RIT2: variants seen among roughly 807,000 people sequenced by gnomAD.
The protein encoded by RIT2 is GTP-binding protein Rit2.
In RIT2, 24 loss-of-function variants were observed where a neutral mutation model predicts 23.7. That is an observed-to-expected ratio of 1.01 (90% CI 0.73 to 1.43). The LOEUF (loss-of-function observed/expected upper bound fraction) is 1.43. Among genes scored for constraint, RIT2 ranks in the 40% most tolerant of loss-of-function variants. RIT2 has a pLI of 0.00. For synonymous variants in RIT2, 107 were observed against 91.1 expected, an observed-to-expected ratio of 1.17 and a Z score of -0.99; for missense variants, 236 against 266.9, an observed-to-expected ratio of 0.88 and a Z score of 0.81.
chr18:42,889,039 C>A (rs1598701294), intron 4 of RIT2, among the ~76,000 whole-genome samples: 1 of 151,702 alleles, frequency 6.6e-6, no homozygotes, highest in African/African-American at 2.4e-5. Context: ...GCACATGTGC[C>A]CCCCTGTTTC....
chr18:42,934,789 T>G (rs1026890059), intron 3 of RIT2, among the ~76,000 whole-genome samples: 8 of 152,214 alleles, frequency 5.3e-5, no homozygotes, highest in Non-Finnish European at 7.4e-5. Context: ...AAACCCTTTC[T>G]ATTGCAGCAA....
intron 2 of RIT2, among the ~76,000 whole-genome samples, chr18:43,005,558 C>A (rs1390980210): frequency 6.6e-6 from 1 of 151,532 alleles, no homozygotes. Flanking sequence ...ACAGCATTGC[C>A]CAAATTTTTG....
intron 1 of RIT2, among the ~76,000 whole-genome samples, chr18:43,085,029 T>C (rs1342765767): frequency 6.6e-6 from 1 of 150,484 alleles, no homozygotes; most frequent in African/African-American, 2.5e-5. Context: ...GAGGGGGAGG[T>C]AGGAAAGAGT....
chr18:43,052,431 A>C (rs910152093), intron 1 of RIT2, among the ~76,000 whole-genome samples: 1 of 152,080 alleles, frequency 6.6e-6, no homozygotes, highest in African/African-American at 2.4e-5. Context: ...GAAATGATGA[A>C]TATTTCCTAA....
chr18:42,781,647 C>T (rs1313261672), intron 4 of RIT2, among the ~76,000 whole-genome samples: 2 of 152,134 alleles, frequency 1.3e-5, no homozygotes, highest in East Asian at 1.9e-4. Context: ...ATATTGATAA[C>T]GTGTATTAAA....
chr18:43,018,052 AGAGT>A (rs1351546046), intron 2 of RIT2, among the ~76,000 whole-genome samples: 1 of 152,090 alleles, frequency 6.6e-6, no homozygotes, highest in Non-Finnish European at 1.5e-5. Context: ...TACCACATAA[AGAGT>A]TAGTAAGGGG....
At chr18:42,763,265 A>T (rs1234850783) in intron 4 of RIT2, among the ~76,000 whole-genome samples, 4 of 152,170 alleles carry the variant, frequency 2.6e-5, no homozygotes, top group Admixed American at 6.5e-5. Context: ...GATCGAGACC[A>T]TCCTGGCTAA....
chr18:42,950,264 T>C (rs973803993), intron 3 of RIT2, among the ~76,000 whole-genome samples: 1 of 152,044 alleles, frequency 6.6e-6, no homozygotes, highest in Non-Finnish European at 1.5e-5. Flanking sequence ...ACCTACACCA[T>C]CTGATCTTCA....
At chr18:43,109,953 A>C (rs1363476753) in intron 1 of RIT2, among the ~76,000 whole-genome samples, 1 of 152,136 alleles carries the variant, frequency 6.6e-6, no homozygotes, top group African/African-American at 2.4e-5. Context: ...ATAGAAAAAC[A>C]ATTTAGATGT....
At chr18:42,947,434 T>C (rs1909753697) in intron 3 of RIT2, among the ~76,000 whole-genome samples, 1 of 152,096 alleles carries the variant, frequency 6.6e-6, no homozygotes, top group South Asian at 2.1e-4. Context: ...CTGAACACAT[T>C]AAGAAAATGG....
chr18:43,071,207 T>C (rs2144335379), intron 1 of RIT2, among the ~76,000 whole-genome samples: 1 of 152,306 alleles, frequency 6.6e-6, no homozygotes, highest in African/African-American at 2.4e-5. Context: ...AGTAAACATC[T>C]TTTAAAAGTC....
Position 42,808,688 on chromosome 18 carries a change from A to C in RIT2, c.427-64968T>G, listed in dbSNP as rs140908586. 5.8e-4 allele frequency among the ~76,000 whole-genome samples: 88 copies of C among 152,234 alleles called. No homozygotes were observed. In the East Asian group the frequency reaches 0.01, roughly 17 times the overall value. On this transcript the variant is annotated intron_variant, in intron 4 of 4. Coordinates refer to ENST00000326695, the MANE Select transcript of RIT2 (RefSeq NM_002930.4). ...CTTTGTTCAGCAGAGTTTCCTCTTT[A>C]AACTACCTTTGCCCTATTTTTTAAA...
chr18:43,044,703 G>C (rs1266119567), intron 1 of RIT2, among the ~76,000 whole-genome samples: 1 of 152,188 alleles, frequency 6.6e-6, no homozygotes, highest in African/African-American at 2.4e-5. Context: ...AGATTTGGGG[G>C]TTGAGGGACA....
chr18:42,795,499 A>C (rs1255066478), intron 4 of RIT2, among the ~76,000 whole-genome samples: 1 of 152,182 alleles, frequency 6.6e-6, no homozygotes, highest in East Asian at 1.9e-4. Context: ...GCAGCCCGCC[A>C]TGCTTGAGCC....
chr18:42,862,577 C>A (rs73471616), intron 4 of RIT2, among the ~76,000 whole-genome samples: 3,836 of 152,212 alleles, frequency 0.025, 160 homozygotes, highest in African/African-American at 0.085. Flanking sequence ...AAGCAGAAAT[C>A]AATAATTTGA....
At chr18:42,975,556 C>G (rs60775951) in intron 2 of RIT2, among the ~76,000 whole-genome samples, 20,129 of 151,908 alleles carry the variant, frequency 0.13, 2,259 homozygotes, top group African/African-American at 0.29. Flanking sequence ...CAGAGAGGAC[C>G]CTGAGCAGAT....
intron 3 of RIT2, among the ~76,000 whole-genome samples, chr18:42,969,016 T>G (rs1910301917): frequency 6.6e-6 from 1 of 152,198 alleles, no homozygotes; most frequent in Non-Finnish European, 1.5e-5. Context: ...CTTTTGATTT[T>G]GATGTTACAA....
intron 2 of RIT2, among the ~76,000 whole-genome samples, chr18:42,999,520 T>C (rs1214729115): frequency 6.6e-6 from 1 of 152,046 alleles, no homozygotes; most frequent in Admixed American, 6.6e-5. Context: ...AGGATATTCA[T>C]GGGGCAAAAG....
intron 4 of RIT2, among the ~76,000 whole-genome samples, chr18:42,768,032 A>ATATG (rs1913467084): frequency 6.6e-6 from 1 of 152,086 alleles, no homozygotes; most frequent in South Asian, 2.1e-4. Context: ...AATACAATAC[A>ATATG]TATGTATATA....
Sources: gnomAD v4.1 joint callset for allele counts (sites outside exome capture counted in the v4.1 genomes callset) on GRCh38, gnomAD v4.1.1 for gene constraint, MANE v1.5 for transcripts, NCBI Gene and HGNC (gene_info 2026-07-23, HGNC 2026-07-21) for gene names.